RB1CC1: variants seen among roughly 807,000 people sequenced by gnomAD.
RB1CC1 encodes the protein RB1 inducible coiled-coil 1, also known as RB1-inducible coiled-coil protein 1.
In RB1CC1, 46 loss-of-function variants were observed where a neutral mutation model predicts 177.5. The ratio of observed to expected loss-of-function variants is 0.26; its 90% CI spans 0.20 to 0.33. The LOEUF is 0.33. RB1CC1 is among the 10% of genes least tolerant of loss of function. The probability of loss-of-function intolerance (pLI) is 1.00; values close to 1 mark genes in which losing one functional copy is unlikely to be tolerated. For synonymous variants in RB1CC1, 666 were observed against 613.6 expected (o/e 1.09, Z -1.26); for missense variants, 1,703 against 1,816.3 (o/e 0.94, Z 1.13).
At chr8:52,649,135 CA>C (rs1214438085) in intron 15 of RB1CC1, among the ~76,000 whole-genome samples, 1 of 152,116 alleles carries the variant, frequency 6.6e-6, no homozygotes, top group Non-Finnish European at 1.5e-5. Context: ...CGAAACTAGA[CA>C]AGAGGGAATG....
At chr8:52,696,120 C>A (rs1470901708) in intron 1 of RB1CC1, among the ~76,000 whole-genome samples, 12 of 152,204 alleles carry the variant, frequency 7.9e-5, no homozygotes, top group Non-Finnish European at 4.4e-5. Flanking sequence ...TCTCGGCTCA[C>A]TGCAACCTCT....
intron 5 of RB1CC1, among the ~76,000 whole-genome samples, chr8:52,680,938 T>C (rs1201220917): frequency 6.6e-6 from 1 of 151,514 alleles, no homozygotes; most frequent in Admixed American, 6.6e-5. Context: ...GTAGGGCTTC[T>C]GGGTTGAAAC....
intron 22 of RB1CC1, among the ~76,000 whole-genome samples, chr8:52,625,187 G>A (rs1848295427): frequency 6.6e-6 from 1 of 152,104 alleles, no homozygotes; most frequent in African/African-American, 2.4e-5. Flanking sequence ...TAGGTTCAAA[G>A]CAAAACACTC....
chr8:52,651,166 T>C (rs112302113), intron 15 of RB1CC1, among the ~76,000 whole-genome samples: 26 of 152,348 alleles, frequency 1.7e-4, no homozygotes, highest in East Asian at 7.7e-4. Context: ...CAAAATTATT[T>C]ATACGGGTGT....
chr8:52,696,618 A>C (rs1591118703), intron 1 of RB1CC1, among the ~76,000 whole-genome samples: 1 of 152,230 alleles, frequency 6.6e-6, no homozygotes, highest in South Asian at 2.1e-4. Context: ...ACTCAAAAAA[A>C]CAAAAACAAA....
intron 7 of RB1CC1, among the ~76,000 whole-genome samples, chr8:52,670,942 C>T (rs1056956364): frequency 1.4e-5 from 2 of 147,010 alleles, no homozygotes; most frequent in East Asian, 2.0e-4. Flanking sequence ...GGTGACAGAG[C>T]GAGACTCCAA....
At chr8:52,658,802 C>A in intron 13 of RB1CC1, 71 bp downstream of exon 13, 1 of 1,104,116 alleles carries the variant, frequency 9.1e-7, no homozygotes, top group South Asian at 1.7e-5. Flanking sequence ...ACTGGTACTA[C>A]CTGGCACAAC....
At chr8:52,670,187 C>T (rs1191479902) in intron 7 of RB1CC1, among the ~76,000 whole-genome samples, 1 of 152,146 alleles carries the variant, frequency 6.6e-6, no homozygotes, top group Non-Finnish European at 1.5e-5. Context: ...CCCACCTTGG[C>T]CTCCCAAAGT....
At chr8:52,696,173 TA>T (rs1433555919) in intron 1 of RB1CC1, among the ~76,000 whole-genome samples, 3 of 152,122 alleles carry the variant, frequency 2.0e-5, no homozygotes, top group Non-Finnish European at 2.9e-5. Context: ...GCCTCCCAAG[TA>T]GCTGGGATTA....
chr8:52,648,868 A>G (rs1252922465), intron 15 of RB1CC1, among the ~76,000 whole-genome samples: 2 of 152,140 alleles, frequency 1.3e-5, no homozygotes, highest in Admixed American at 6.5e-5. Flanking sequence ...TCTTTTTGGC[A>G]TATCCAAATT....
chr8:52,652,855 C>T lies in RB1CC1; in HGVS notation c.3821+3153G>A, dbSNP rs1306422512. 2.0e-5 allele frequency among the ~76,000 whole-genome samples: 3 copies of T among 151,546 alleles called. No homozygotes were observed. In the East Asian group the frequency reaches 5.9e-4, roughly 30 times the overall value. On this transcript the variant is annotated intron_variant, in intron 15 of 23. Transcript: ENST00000025008. ...GGTGGATCACCTGAGGTCAGGAGTT[C>T]GAGACCAGCCTGACCAACATGGAGA...
At position 52,657,494 on chromosome 8, in the gene RB1CC1, C is replaced by T. The variant is rs368359280; in HGVS notation, c.2335G>A (p.Asp779Asn). ...TCCTCCTTACCACATACATTTGTAT[C>T]CTGCATTCGTCTACTGTCTATCGCA... ...INAIDSRRMQ[D>N]TNVCGKEDFG... Residue 779 changes from aspartate to asparagine, a missense_variant, in exon 15 of 24, where the codon GAT (aspartate) becomes AAT (asparagine). Physicochemically the swap from Asp to Asn is conservative, Grantham distance 23. Around this residue, in one of 6 missense-constraint regions of RB1CC1, gnomAD observed 1,169 missense variants for 1,184.7 expected, o/e 0.99. Coordinates refer to ENST00000025008, the MANE Select transcript of RB1CC1 (RefSeq NM_014781.5). The T allele has an allele frequency of 4.3e-6, 7 of 1,613,830 alleles. No individual in the cohort carries two copies. The South Asian group carries it at 4.4e-5, about 10-fold the overall frequency.
At chr8:52,647,394 T>C (rs1850146788) in intron 15 of RB1CC1, among the ~76,000 whole-genome samples, 2 of 152,134 alleles carry the variant, frequency 1.3e-5, no homozygotes, top group African/African-American at 2.4e-5. Context: ...ATATAATTAA[T>C]TAAGGCGAAG....
chr8:52,632,734 A>G (rs1590917997), intron 20 of RB1CC1, among the ~76,000 whole-genome samples: 1 of 152,206 alleles, frequency 6.6e-6, no homozygotes, highest in Non-Finnish European at 1.5e-5. Context: ...AGGGAGGTCA[A>G]GCTGGGAACT....
At chr8:52,711,715 C>G (rs1010386886) in intron 1 of RB1CC1, among the ~76,000 whole-genome samples, 3 of 152,338 alleles carry the variant, frequency 2.0e-5, no homozygotes, top group Admixed American at 2.0e-4. Context: ...TGAGTTAGAG[C>G]ACATTAGTTT....
intron 18 of RB1CC1, 61 bp from the exon 19 acceptor site, chr8:52,636,130 T>C (rs1849126226): frequency 6.6e-7 from 1 of 1,526,630 alleles, no homozygotes; most frequent in Non-Finnish European, 8.8e-7. Context: ...CTTCAAGATT[T>C]TAGAAATTAA....
intron 1 of RB1CC1, among the ~76,000 whole-genome samples, chr8:52,689,962 C>T (rs1454564816): frequency 6.6e-6 from 1 of 152,066 alleles, no homozygotes; most frequent in African/African-American, 2.4e-5. Flanking sequence ...TATCTACAGC[C>T]AGGGAAAGTA....
rs2150423661 is a variant in RB1CC1 at position 52,645,983 on chromosome 8, AT to A, written c.3822-117del. On this transcript the variant is annotated intron_variant, in intron 15 of 23. Transcript: ENST00000025008. Reference sequence around the variant, plus strand: ...AGCTCAATAATGTAGCATGAAAGATATCTGTGTGAACCCTCTCTTTGAATCT... The same window carrying A: ...AGCTCAATAATGTAGCATGAAAGATACTGTGTGAACCCTCTCTTTGAATCT... 1.7e-5 allele frequency: 17 copies of A among 1,001,514 alleles called. 1 individual carries two copies. The South Asian group carries it at 2.3e-4, about 13-fold the overall frequency. 62.0% of individuals were successfully genotyped at this position (1,001,514 alleles called of 1,614,324 possible).
chr8:52,667,830 G>A (rs1177868309), intron 8 of RB1CC1, among the ~76,000 whole-genome samples, 191 bp downstream of exon 8: 2 of 151,956 alleles, frequency 1.3e-5, no homozygotes, highest in Non-Finnish European at 2.9e-5. Context: ...GCAGTTTCAT[G>A]GTTTATCTAT....
Sources: gnomAD v4.1 joint callset for allele counts (sites outside exome capture counted in the v4.1 genomes callset) on GRCh38, gnomAD v4.1.1 for gene constraint, gnomAD v4.1.1 regional missense constraint, MANE v1.5 for transcripts, NCBI Gene and HGNC (gene_info 2026-07-23, HGNC 2026-07-21) for gene names.